OPCML: variants seen among roughly 807,000 people sequenced by gnomAD.
OPCML encodes opioid-binding protein/cell adhesion molecule.
Under a neutral mutation model 37.8 loss-of-function variants are expected in OPCML, and 13 were observed. The ratio of observed to expected loss-of-function variants is 0.34; its 90% CI spans 0.22 to 0.55. OPCML has a LOEUF of 0.55. Among genes scored for constraint, OPCML ranks in the 20% least tolerant of loss-of-function variants. The pLI, the probability that OPCML is intolerant of heterozygous loss-of-function variation, is 0.91. For synonymous variants in OPCML, 176 were observed against 168.8 expected (o/e 1.04, Z -0.33); for missense variants, 341 against 435.6 (o/e 0.78, Z 1.93).
intron 3 of OPCML, among the ~76,000 whole-genome samples, chr11:132,608,767 A>G (rs1449969525): frequency 6.6e-6 from 1 of 152,186 alleles, no homozygotes; most frequent in Non-Finnish European, 1.5e-5. Flanking sequence ...GCTGCCTGGC[A>G]TTCAGTAGAT....
At chr11:132,689,582 C>G (rs982698586) in intron 2 of OPCML, among the ~76,000 whole-genome samples, 3 of 152,180 alleles carry the variant, frequency 2.0e-5, no homozygotes, top group African/African-American at 4.8e-5. Context: ...ACTGAGATGG[C>G]TCAATGTCAT....
chr11:132,970,343 T>C (rs1946314072), intron 1 of OPCML, among the ~76,000 whole-genome samples: 2 of 152,178 alleles, frequency 1.3e-5, no homozygotes, highest in South Asian at 4.1e-4. Context: ...AGGGTGTGTT[T>C]GAATATGGAG....
At chr11:132,818,796 A>C (rs1481354053) in intron 2 of OPCML, among the ~76,000 whole-genome samples, 2 of 149,570 alleles carry the variant, frequency 1.3e-5, no homozygotes, top group African/African-American at 4.9e-5. Context: ...GGGAGGGGGG[A>C]GGCATAGCAT....
chr11:133,056,017 T>A (rs1476752572), intron 1 of OPCML, among the ~76,000 whole-genome samples: 1 of 152,184 alleles, frequency 6.6e-6, no homozygotes, highest in East Asian at 1.9e-4. Context: ...TGAGACTCCA[T>A]GAGGGAGCCG....
chr11:132,652,612 A>C (rs1422591907), intron 3 of OPCML, among the ~76,000 whole-genome samples: 1 of 152,218 alleles, frequency 6.6e-6, no homozygotes, highest in African/African-American at 2.4e-5. Context: ...CGGTCACTGC[A>C]CTACAGCCTC....
intron 4 of OPCML, among the ~76,000 whole-genome samples, chr11:132,517,578 T>C (rs1222259386): frequency 6.6e-6 from 1 of 152,196 alleles, no homozygotes; most frequent in Admixed American, 6.5e-5. Flanking sequence ...GACCCACTGC[T>C]GAGGCCAATT....
intron 2 of OPCML, among the ~76,000 whole-genome samples, chr11:132,669,461 C>T (rs1274777775): frequency 4.6e-5 from 7 of 152,156 alleles, no homozygotes; most frequent in Admixed American, 3.3e-4. Context: ...AAGGTGACAC[C>T]ATTAGCTAGT....
chr11:132,889,033 G>A (rs1943536751), intron 2 of OPCML, among the ~76,000 whole-genome samples: 1 of 152,140 alleles, frequency 6.6e-6, no homozygotes, highest in Non-Finnish European at 1.5e-5. Context: ...GATTTTTCAG[G>A]ACTTATGTCC....
At chr11:132,629,331 A>T (rs1437075310) in intron 3 of OPCML, among the ~76,000 whole-genome samples, 6 of 152,204 alleles carry the variant, frequency 3.9e-5, no homozygotes, top group Admixed American at 2.0e-4. Flanking sequence ...AGTACAGTAG[A>T]TAATGCTTGG....
intron 1 of OPCML, among the ~76,000 whole-genome samples, chr11:133,079,829 C>A (rs1948682072): frequency 6.6e-6 from 1 of 152,180 alleles, no homozygotes; most frequent in South Asian, 2.1e-4. Flanking sequence ...CCTTCTCCAT[C>A]CTGCTGCAGG....
chr11:133,283,752 C>T (rs1398474923), intron 1 of OPCML, among the ~76,000 whole-genome samples: 2 of 152,050 alleles, frequency 1.3e-5, no homozygotes, highest in Non-Finnish European at 2.9e-5. Flanking sequence ...GGAATAGGCC[C>T]CGGTATATGA....
intron 4 of OPCML, among the ~76,000 whole-genome samples, chr11:132,458,245 C>T (rs1285283384): frequency 6.6e-6 from 1 of 152,164 alleles, no homozygotes; most frequent in Admixed American, 6.5e-5. Context: ...TAAAAGGATA[C>T]CTCAGAACCC....
At chr11:133,224,031 G>A (rs1207948806) in intron 1 of OPCML, among the ~76,000 whole-genome samples, 1 of 152,210 alleles carries the variant, frequency 6.6e-6, no homozygotes, top group African/African-American at 2.4e-5. Flanking sequence ...GGGAGCTAGA[G>A]AGGAAGGGGA....
intron 2 of OPCML, among the ~76,000 whole-genome samples, chr11:132,701,455 A>T (rs1429929503): frequency 6.6e-6 from 1 of 152,194 alleles, no homozygotes; most frequent in Non-Finnish European, 1.5e-5. Flanking sequence ...TGGTTAAAGT[A>T]TAGCCACACC....
At chr11:133,324,583 A>G (rs1373751575) in intron 1 of OPCML, among the ~76,000 whole-genome samples, 1 of 152,208 alleles carries the variant, frequency 6.6e-6, no homozygotes, top group Non-Finnish European at 1.5e-5. Context: ...TAAGACGCCT[A>G]CGGGCCTCTG....
chr11:132,886,366 G>A (rs1180336333), intron 2 of OPCML, among the ~76,000 whole-genome samples: 9 of 152,312 alleles, frequency 5.9e-5, no homozygotes, highest in Admixed American at 3.3e-4. Flanking sequence ...GCTTGCCCCT[G>A]TTCTATGATG....
intron 2 of OPCML, among the ~76,000 whole-genome samples, chr11:132,669,154 A>G (rs1942349408): frequency 6.6e-6 from 1 of 152,048 alleles, no homozygotes; most frequent in African/African-American, 2.4e-5. Flanking sequence ...CCAATAGCTT[A>G]GGCACTAGTG....
chr11:133,443,302 A>G (rs1436589055), intron 1 of OPCML, among the ~76,000 whole-genome samples: 1 of 152,178 alleles, frequency 6.6e-6, no homozygotes, highest in African/African-American at 2.4e-5. Flanking sequence ...TAGGTTCCAC[A>G]TTGGGTGTTT....
chr11:133,381,574 C>T (rs1040329953), intron 1 of OPCML, among the ~76,000 whole-genome samples: 1 of 152,100 alleles, frequency 6.6e-6, no homozygotes, highest in Non-Finnish European at 1.5e-5. Flanking sequence ...AAGACACACA[C>T]TCACACCCCT....
Sources: gnomAD v4.1 joint callset for allele counts (sites outside exome capture counted in the v4.1 genomes callset) on GRCh38, gnomAD v4.1.1 for gene constraint, MANE v1.5 for transcripts, NCBI Gene and HGNC (gene_info 2026-07-23, HGNC 2026-07-21) for gene names.